NCOR1: variants seen among roughly 807,000 people sequenced by gnomAD.
NCOR1 encodes the protein nuclear receptor corepressor 1.
NCOR1 carries 63 observed loss-of-function variants against 288.1 expected under a neutral mutation model. The observed-to-expected ratio is 0.22, with a 90% CI of 0.18 to 0.27. NCOR1 has a LOEUF of 0.27. NCOR1 is among the 10% of genes least tolerant of loss of function. The pLI is 1.00. For missense variants in NCOR1, 2,397 were observed against 3,019.2 expected, an observed-to-expected ratio of 0.79 and a Z score of 4.83; for synonymous variants, 1,007 against 1,065.9, an observed-to-expected ratio of 0.94 and a Z score of 1.08.
At chr17:16,083,859 G>T (rs529060197) in intron 23 of NCOR1, among the ~76,000 whole-genome samples, 28 of 151,214 alleles carry the variant, frequency 1.9e-4, no homozygotes, top group Admixed American at 4.0e-4. Context: ...ATTCATGTTT[G>T]GGGGGGGAAA....
intron 17 of NCOR1, 68 bp downstream of exon 17, chr17:16,119,355 C>T: frequency 8.9e-7 from 1 of 1,129,530 alleles, no homozygotes; most frequent in Non-Finnish European, 1.3e-6. Context: ...TTAGTTCCAT[C>T]TCACTCATTA....
Position 16,068,011 on chromosome 17 carries a change from C to T in NCOR1, c.4624G>A (p.Val1542Met), listed in dbSNP as rs377505818. The change falls in exon 32 of 46, where the codon GTG (valine) becomes ATG (methionine). Residue 1542 changes from valine to methionine, a missense_variant. Val to Met is a conservative substitution (Grantham distance 21). Transcript: ENST00000268712. Reference protein sequence around the residue: ...KSPVPGVDPVVSHSPFDPHHR... With the variant: ...KSPVPGVDPVMSHSPFDPHHR... ...TGGGGATCAAACGGACTGTGGCTCA[C>T]GACAGGGTCCACCCCAGGCACTGGA... 99 of 1,614,196 alleles carry T rather than the reference C, an allele frequency of 6.1e-5. 1 individual carries two copies. The East Asian group carries it at 7.4e-4, about 12-fold the overall frequency.
At chr17:16,047,212 T>G (rs1488375024) in intron 41 of NCOR1, 119 bp from the exon 42 acceptor site, 38 of 1,055,532 alleles carry the variant, frequency 3.6e-5, no homozygotes, top group Non-Finnish European at 5.2e-5. Context: ...CATCCTGTGT[T>G]TGTGGTTACA....
chr17:16,080,645 G>A lies in NCOR1; in HGVS notation c.3260C>T (p.Ser1087Phe). ...ETPKPSVGSISLGLPRQQESA... is the reference protein window; with the variant it reads ...ETPKPSVGSIFLGLPRQQESA... ...TTCCTGTTGCCGTGGCAGTCCAAGA[G>A]AGATAGATCCCACTGACGGCTTGGG... The change falls in exon 24 of 46, where the codon TCT becomes TTT. Residue 1087 changes from serine to phenylalanine, a missense_variant. Transcript: ENST00000268712. 6.2e-7 allele frequency: 1 copy of A among 1,614,094 alleles called. No individual in the cohort carries two copies. The highest frequency in any genetic ancestry group is 8.5e-7 in the Non-Finnish European group (1 of 1,180,002).
At chr17:16,095,531 G>A (rs1247406956) in intron 21 of NCOR1, among the ~76,000 whole-genome samples, 2 of 138,766 alleles carry the variant, frequency 1.4e-5, no homozygotes, top group East Asian at 2.3e-4. Flanking sequence ...CCATCCGGGA[G>A]GGAGGTTGGG....
At chr17:16,048,675 C>T (rs1324897315) in intron 41 of NCOR1, among the ~76,000 whole-genome samples, 170 bp downstream of exon 41, 1 of 151,684 alleles carries the variant, frequency 6.6e-6, no homozygotes, top group African/African-American at 2.4e-5. Context: ...TTTCTTTTTG[C>T]TAAAATACAC....
intron 3 of NCOR1, among the ~76,000 whole-genome samples, chr17:16,172,780 G>T (rs544594411): frequency 6.6e-6 from 1 of 152,096 alleles, no homozygotes; most frequent in African/African-American, 2.4e-5. Context: ...AGTCCTGCTC[G>T]TGAGTGCTCA....
At chr17:16,110,099 A>G (rs950511034) in intron 18 of NCOR1, among the ~76,000 whole-genome samples, 16 of 152,314 alleles carry the variant, frequency 1.1e-4, no homozygotes, top group African/African-American at 3.4e-4. Context: ...TCATGTCTAT[A>G]ATCCCAGCAC....
intron 18 of NCOR1, among the ~76,000 whole-genome samples, chr17:16,109,476 G>A (rs1018775858): frequency 3.3e-5 from 5 of 151,996 alleles, no homozygotes; most frequent in African/African-American, 1.2e-4. Flanking sequence ...ATGTAGCCAT[G>A]AGCAGAACAT....
intron 1 of NCOR1, among the ~76,000 whole-genome samples, chr17:16,205,130 G>C (rs192486593): frequency 2.0e-5 from 3 of 151,704 alleles, no homozygotes; most frequent in Non-Finnish European, 4.4e-5. Flanking sequence ...TAAGGCAGGA[G>C]AATCACTTGA....
At chr17:16,114,679 C>A (rs2064226947) in intron 18 of NCOR1, among the ~76,000 whole-genome samples, 1 of 152,224 alleles carries the variant, frequency 6.6e-6, no homozygotes, top group South Asian at 2.1e-4. Flanking sequence ...CCTTAAAGCT[C>A]CAAAATGATC....
In NCOR1 at chr17:16,068,012, G is replaced by C; in HGVS notation, c.4623C>G (p.Val1541=). The C allele has an allele frequency of 6.2e-7, 1 of 1,614,188 alleles. No homozygotes were observed. Among genetic ancestry groups the C allele is most frequent in the Non-Finnish European group, 8.5e-7 (1 of 1,180,030 alleles). ...GGGGATCAAACGGACTGTGGCTCAC[G>C]ACAGGGTCCACCCCAGGCACTGGAG... ...AKSPVPGVDP[V]VSHSPFDPHH... is the part of the protein sequence containing the mutation. Residue 1541 remains valine, a synonymous_variant, in exon 32 of 46, where the codon GTC becomes GTG. Transcript: ENST00000268712.
intron 26 of NCOR1, among the ~76,000 whole-genome samples, chr17:16,077,168 G>A (rs977315072): frequency 1.3e-4 from 20 of 152,036 alleles, no homozygotes; most frequent in Admixed American, 6.6e-5. Context: ...AGGCCAAGAC[G>A]GGCGGATCAC....
intron 14 of NCOR1, among the ~76,000 whole-genome samples, chr17:16,134,307 T>G (rs2076080967): frequency 6.6e-6 from 1 of 152,176 alleles, no homozygotes; most frequent in South Asian, 2.1e-4. Flanking sequence ...CTCTCCCAAA[T>G]TCCCCGTGAA....
rs551529657 is a variant in NCOR1 at position 16,118,168 on chromosome 17, T to C, written c.1916-141A>G. The stretch of plus-strand genomic sequence containing the variant: ...TTTCAATTACTTATCATATATACTT[T>C]GATACTTATAAAAATACTTATTGAA... On this transcript the variant is annotated intron_variant, in intron 17 of 45. Transcript: ENST00000268712. 3 of 827,364 alleles carry C rather than the reference T, an allele frequency of 3.6e-6. No individual in the cohort carries two copies. In the South Asian group the frequency reaches 6.5e-5, roughly 18 times the overall value. 51.3% of individuals were successfully genotyped at this position (827,364 alleles called of 1,614,324 possible).
intron 42 of NCOR1, 112 bp downstream of exon 42, chr17:16,046,839 A>G (rs2058721437): frequency 2.4e-6 from 3 of 1,252,402 alleles, no homozygotes; most frequent in Non-Finnish European, 3.3e-6. Flanking sequence ...GATGTGTTGG[A>G]CAGATGTCCT....
chr17:16,213,489 C>CAAAAAAAA (rs537795184), intron 1 of NCOR1, among the ~76,000 whole-genome samples: 27,704 of 76,592 alleles, frequency 0.36, 5,870 homozygotes, highest in Non-Finnish European at 0.5. Context: ...AAGACTGTCT[C>CAAAAAAAA]AAAAAAAAAA....
intron 14 of NCOR1, among the ~76,000 whole-genome samples, chr17:16,128,159 G>A (rs969075459): frequency 6.6e-6 from 1 of 152,122 alleles, no homozygotes; most frequent in African/African-American, 2.4e-5. Flanking sequence ...AGCACAGCAG[G>A]CTGGCCCTTG....
intron 10 of NCOR1, among the ~76,000 whole-genome samples, chr17:16,145,432 G>A (rs1436853149): frequency 1.1e-4 from 15 of 142,130 alleles, no homozygotes; most frequent in African/African-American, 3.5e-4. Flanking sequence ...CTGCCCGGCC[G>A]CCCATCGTCT....
Sources: allele counts gnomAD v4.1 joint callset (sites outside exome capture counted in the v4.1 genomes callset), GRCh38; gene constraint gnomAD v4.1.1; transcripts MANE v1.5; gene names NCBI Gene and HGNC (gene_info 2026-07-23, HGNC 2026-07-21).